CAMK4: variants seen among roughly 807,000 people sequenced by gnomAD.
CAMK4 encodes calcium/calmodulin dependent protein kinase IV.
CAMK4 carries 22 observed loss-of-function variants against 44.9 expected under a neutral mutation model. That is an observed-to-expected ratio of 0.49 (90% CI 0.35 to 0.70). CAMK4 has a LOEUF of 0.70. CAMK4 is among the 30% of genes least tolerant of loss of function. The pLI is 0.01. For missense variants in CAMK4, 498 were observed against 586.8 expected, an observed-to-expected ratio of 0.85 and a Z score of 1.56; for synonymous variants, 218 against 215.4, an observed-to-expected ratio of 1.01 and a Z score of -0.11.
chr5:111,265,339 G>T (rs1402067648), intron 1 of CAMK4, among the ~76,000 whole-genome samples: 1 of 152,174 alleles, frequency 6.6e-6, no homozygotes, highest in East Asian at 1.9e-4. Flanking sequence ...TATACTTCAT[G>T]TAGCCTACTG....
intron 1 of CAMK4, among the ~76,000 whole-genome samples, chr5:111,324,160 G>A (rs142914556): frequency 1.2e-3 from 185 of 151,956 alleles, no homozygotes; most frequent in Non-Finnish European, 1.7e-3. Flanking sequence ...TAGCAGGAAA[G>A]TAGAAAAAAT....
chr5:111,426,687 G>A (rs1225705685), intron 5 of CAMK4, among the ~76,000 whole-genome samples: 1 of 152,178 alleles, frequency 6.6e-6, no homozygotes, highest in Admixed American at 6.5e-5. Flanking sequence ...GCATCTCTGG[G>A]TGCTGGGGGA....
intron 5 of CAMK4, among the ~76,000 whole-genome samples, chr5:111,442,784 TA>T (rs1169311556): frequency 1.0e-4 from 15 of 148,388 alleles, no homozygotes. Context: ...TTATATATCT[TA>T]TTAACATAAT....
At chr5:111,319,651 T>C (rs994384847) in intron 1 of CAMK4, among the ~76,000 whole-genome samples, 1 of 152,006 alleles carries the variant, frequency 6.6e-6, no homozygotes. Context: ...TGTAAATGAG[T>C]GAGAAGATAC....
intron 4 of CAMK4, among the ~76,000 whole-genome samples, chr5:111,387,258 G>C (rs1751636909): frequency 6.6e-6 from 1 of 152,084 alleles, no homozygotes; most frequent in Non-Finnish European, 1.5e-5. Context: ...TCAGAGTCAT[G>C]AGTATATTTC....
intron 5 of CAMK4, 104 bp downstream of exon 5, chr5:111,394,886 G>A: frequency 1.4e-6 from 1 of 724,258 alleles, no homozygotes; most frequent in Non-Finnish European, 2.4e-6. Flanking sequence ...ACATTTTACA[G>A]CATAAAGTTG....
At position 111,307,138 on chromosome 5, in the gene CAMK4, T is replaced by A. The variant is rs1343262313; in HGVS notation, c.162-36886T>A. Among the ~76,000 whole-genome samples, 73 of 18,540 alleles carry A rather than the reference T, an allele frequency of 3.9e-3. 3 individuals are homozygous for A. The East Asian group carries it at 0.12, about 29-fold the overall frequency. The allele number at this position is 18,540 out of a possible 152,430, so 12.2% of individuals were successfully genotyped here. A position where few individuals can be genotyped will look rare whatever the true frequency, so the allele number is the denominator to read the frequency against. Reference sequence around the variant, plus strand: ...GATTTAAACGTTAGACCTAAAACCATAAAAACCCTAGAAGAAAACCTAGGC... The same window carrying A: ...GATTTAAACGTTAGACCTAAAACCAAAAAAACCCTAGAAGAAAACCTAGGC... On this transcript the variant is annotated intron_variant, in intron 1 of 10. Transcript: ENST00000282356.
intron 5 of CAMK4, among the ~76,000 whole-genome samples, chr5:111,410,982 T>C (rs73216088): frequency 0.029 from 4,460 of 152,258 alleles, 229 homozygotes; most frequent in African/African-American, 0.1. Flanking sequence ...TGGTGCTTCA[T>C]TTTCTTTTCT....
At chr5:111,451,235 G>A in intron 7 of CAMK4, among the ~76,000 whole-genome samples, 1 of 106,362 alleles carries the variant, frequency 9.4e-6, no homozygotes, top group East Asian at 2.6e-4. Flanking sequence ...GAATTTCCCT[G>A]TACTATAGGG....
At chr5:111,324,575 G>A (rs766006622) in intron 1 of CAMK4, among the ~76,000 whole-genome samples, 2 of 151,844 alleles carry the variant, frequency 1.3e-5, no homozygotes, top group Non-Finnish European at 2.9e-5. Flanking sequence ...AAAATTGAAG[G>A]AGAAGAGAAA....
intron 2 of CAMK4, among the ~76,000 whole-genome samples, chr5:111,373,505 G>T (rs1020681145): frequency 2.0e-5 from 3 of 152,116 alleles, no homozygotes; most frequent in African/African-American, 4.8e-5. Context: ...CCTTTTTAAA[G>T]ATTGCATCCT....
rs10524853 is a variant in CAMK4, at chr5:111,406,194, T to TTCTCTCTCTCTCTCTC, written c.459+11427_459+11442dup. Reference sequence around the variant, plus strand: ...TCCTGTTTCCTTCTCCTAATTTATTTTCTCTCTCTCTCTCTCTCTCTCTCT... The same window carrying TTCTCTCTCTCTCTCTC: ...TCCTGTTTCCTTCTCCTAATTTATTTTCTCTCTCTCTCTCTCTCTCTCTCTCTCTCTCTCTCTCTCT... On this transcript the variant is annotated intron_variant, in intron 5 of 10. Transcript: ENST00000282356. Among the ~76,000 whole-genome samples the TTCTCTCTCTCTCTCTC allele has an allele frequency of 3.9e-3, 528 of 136,820 alleles. 3 individuals carry two copies. The highest frequency in any genetic ancestry group is 0.012 in the African/African-American group (418 of 35,256). 89.8% of individuals were successfully genotyped at this position (136,820 alleles called of 152,430 possible).
chr5:111,325,948 G>C (rs1748868706), intron 1 of CAMK4, among the ~76,000 whole-genome samples: 1 of 151,936 alleles, frequency 6.6e-6, no homozygotes, highest in Non-Finnish European at 1.5e-5. Flanking sequence ...CAAAATTTGT[G>C]GGATACAGCT....
At chr5:111,434,639 T>C (rs976988436) in intron 5 of CAMK4, among the ~76,000 whole-genome samples, 6 of 152,216 alleles carry the variant, frequency 3.9e-5, no homozygotes, top group Non-Finnish European at 7.3e-5. Flanking sequence ...TCGTATATTC[T>C]GTTGATGATT....
At chr5:111,411,030 C>T (rs959024119) in intron 5 of CAMK4, among the ~76,000 whole-genome samples, 4 of 152,184 alleles carry the variant, frequency 2.6e-5, no homozygotes, top group Admixed American at 6.5e-5. Context: ...AACACACACA[C>T]AAAAGTTTCA....
chr5:111,224,595 A>C lies in CAMK4; in HGVS notation c.112A>C (p.Asn38His). ...LVPDYWIDGS[N>H]RDALSDFFEV... Reference sequence around the variant, plus strand: ...CCCGGATTACTGGATCGACGGCTCCAACAGGGATGCGCTGAGCGATTTCTT... The same window carrying C: ...CCCGGATTACTGGATCGACGGCTCCCACAGGGATGCGCTGAGCGATTTCTT... The change falls in exon 1 of 11, where the codon AAC becomes CAC. Residue 38 changes from asparagine (N) to histidine (H), a missense_variant. Physicochemically the swap from Asn to His is moderately conservative, Grantham distance 68. Transcript: ENST00000282356. This position sits in a 1 kb window ranked among gnomAD's most constrained non-coding sequence, Gnocchi z 5.7. The C allele has an allele frequency of 6.2e-7, 1 of 1,612,152 alleles. No homozygotes were observed.
intron 1 of CAMK4, among the ~76,000 whole-genome samples, chr5:111,332,312 G>T (rs1749204892): frequency 7.4e-6 from 1 of 135,968 alleles, no homozygotes; most frequent in Admixed American, 8.8e-5. Flanking sequence ...TCCTATCTAT[G>T]CGTGAGAACA....
intron 5 of CAMK4, among the ~76,000 whole-genome samples, chr5:111,415,096 T>G (rs1413283243): frequency 6.6e-6 from 1 of 152,226 alleles, no homozygotes; most frequent in Non-Finnish European, 1.5e-5. Flanking sequence ...GGTTTCACTT[T>G]CCACTATTTC....
At chr5:111,443,538 C>G (rs986412984) in intron 5 of CAMK4, among the ~76,000 whole-genome samples, 2 of 151,466 alleles carry the variant, frequency 1.3e-5, no homozygotes, top group Non-Finnish European at 2.9e-5. Flanking sequence ...TAGTATTTTT[C>G]TCTAAACTTT....
Sources: gnomAD v4.1 joint callset for allele counts (sites outside exome capture counted in the v4.1 genomes callset) on GRCh38, gnomAD v4.1.1 for gene constraint, Gnocchi (gnomAD v3.1) non-coding constraint, MANE v1.5 for transcripts, NCBI Gene and HGNC (gene_info 2026-07-23, HGNC 2026-07-21) for gene names.